The following AVEN variants were observed in gnomAD, a reference collection of about 807,000 sequenced individuals.
The protein encoded by AVEN is apoptosis and caspase activation inhibitor, also known as cell death regulator Aven.
Under a neutral mutation model 38.1 loss-of-function variants are expected in AVEN, and 41 were observed. The ratio of observed to expected loss-of-function variants is 1.08; its 90% CI spans 0.84 to 1.40. AVEN has a LOEUF of 1.40. Among genes scored for constraint, AVEN ranks in the 40% most tolerant of loss-of-function variants. The pLI is 0.00. For synonymous variants in AVEN, 206 were observed against 171.8 expected, an observed-to-expected ratio of 1.20 and a Z score of -1.56; for missense variants, 605 against 438.8, an observed-to-expected ratio of 1.38 and a Z score of -3.38.
chr15:33,936,585 A>T (rs1430638046), intron 2 of AVEN, among the ~76,000 whole-genome samples: 1 of 152,180 alleles, frequency 6.6e-6, no homozygotes, highest in Non-Finnish European at 1.5e-5. Context: ...TAACAATGTA[A>T]ATACAAACAA....
At chr15:33,879,459 G>A (rs1012165764) in intron 2 of AVEN, among the ~76,000 whole-genome samples, 1 of 150,406 alleles carries the variant, frequency 6.6e-6, no homozygotes, top group Admixed American at 6.6e-5. Flanking sequence ...GCTAAATGAC[G>A]AGTTAATGGG....
chr15:33,855,003 A>G, downstream of AVEN: 1 of 1,279,112 alleles, frequency 7.8e-7, no homozygotes, highest in Non-Finnish European at 1.0e-6. Context: ...GACAGGAAGG[A>G]ATATGTCTTG....
chr15:33,897,131 A>G (rs1368731031), intron 2 of AVEN, among the ~76,000 whole-genome samples: 1 of 152,148 alleles, frequency 6.6e-6, no homozygotes. Context: ...ACAAATCTAT[A>G]GTTGCCAGGA....
chr15:33,942,182 A>G (rs1384462078), intron 2 of AVEN, among the ~76,000 whole-genome samples: 1 of 152,212 alleles, frequency 6.6e-6, no homozygotes, highest in African/African-American at 2.4e-5. Flanking sequence ...CTAAATAGAG[A>G]AGAAAAAGCA....
chr15:33,873,429 A>C (rs891760558), intron 3 of AVEN, among the ~76,000 whole-genome samples: 2 of 134,542 alleles, frequency 1.5e-5, no homozygotes, highest in African/African-American at 5.7e-5. Flanking sequence ...CACTGGTCAC[A>C]CTGAGGACAT....
At chr15:33,962,919 C>CAAAAAAAAAAAAAAAAAAAA (rs57807791) in intron 2 of AVEN, among the ~76,000 whole-genome samples, 1 of 81,948 alleles carries the variant, frequency 1.2e-5, no homozygotes, top group African/African-American at 5.4e-5. Context: ...AACTCGTTCT[C>CAAAAAAAAAAAAAAAAAAAA]AAAAAAAAAA....
intron 3 of AVEN, among the ~76,000 whole-genome samples, chr15:33,872,964 C>T (rs148633236): frequency 2.0e-5 from 3 of 152,182 alleles, no homozygotes; most frequent in African/African-American, 7.2e-5. Flanking sequence ...GAGCAACGAA[C>T]GCCAAGTCCA....
chr15:34,004,299 G>C (rs1020924087), intron 1 of AVEN, among the ~76,000 whole-genome samples: 28 of 152,098 alleles, frequency 1.8e-4, no homozygotes, highest in Admixed American at 1.8e-3. Flanking sequence ...AAGGTTAAGA[G>C]AGCATGCAGA....
rs1567387051 is a variant in AVEN, at chr15:33,871,031, C to A, written c.517-1G>T. ...CACTATCCACATAAAATGCTGAATT[C>A]TATATATATATATAAAAGAAAATAA... is the stretch of plus-strand genomic sequence containing the variant. On this transcript the variant is annotated splice_acceptor_variant, in intron 3 of 5. Coordinates refer to ENST00000306730, the MANE Select transcript of AVEN (RefSeq NM_020371.3). LOFTEE classifies it high-confidence loss of function. 5 of 1,493,664 alleles carry A rather than the reference C, an allele frequency of 3.3e-6. No homozygotes were observed. Among genetic ancestry groups the A allele is most frequent in the East Asian group, 2.5e-5 (1 of 39,816 alleles). The allele number at this position is 1,493,664 out of a possible 1,614,324, so 92.5% of individuals were successfully genotyped here. A position where few individuals can be genotyped will look rare whatever the true frequency, so the allele number is the denominator to read the frequency against.
intron 2 of AVEN, among the ~76,000 whole-genome samples, chr15:33,910,804 G>C (rs982752202): frequency 1.3e-5 from 2 of 152,162 alleles, no homozygotes; most frequent in African/African-American, 4.8e-5. Context: ...CAGTGATCAT[G>C]GCAGCTCCCA....
chr15:34,017,961 T>C (rs945518679), intron 1 of AVEN, among the ~76,000 whole-genome samples: 1 of 152,216 alleles, frequency 6.6e-6, no homozygotes, highest in Non-Finnish European at 1.5e-5. Flanking sequence ...GATACTGATG[T>C]AAACAAACCT....
intron 2 of AVEN, among the ~76,000 whole-genome samples, chr15:34,069,165 T>C (rs914511981): frequency 5.3e-5 from 8 of 149,756 alleles, no homozygotes; most frequent in African/African-American, 2.0e-4. Context: ...CTCATGCCTG[T>C]AATCCCAACA....
chr15:33,861,711 A>C (rs1258858161), downstream of AVEN, among the ~76,000 whole-genome samples: 1 of 152,120 alleles, frequency 6.6e-6, no homozygotes, highest in East Asian at 1.9e-4. Context: ...ATGTTGCTAA[A>C]TTCTGTGTTC....
chr15:33,901,596 T>C (rs1045694906), intron 2 of AVEN, among the ~76,000 whole-genome samples: 1 of 152,230 alleles, frequency 6.6e-6, no homozygotes, highest in African/African-American at 2.4e-5. Context: ...TCCATACTGT[T>C]TTCCATAATG....
At chr15:34,069,124 T>A (rs1900582006) in intron 2 of AVEN, among the ~76,000 whole-genome samples, 2 of 151,636 alleles carry the variant, frequency 1.3e-5, no homozygotes, top group African/African-American at 4.8e-5. Flanking sequence ...ACAGTCCAAT[T>A]TTTAAAAACA....
At chr15:33,919,045 C>T (rs1296794065) in intron 2 of AVEN, among the ~76,000 whole-genome samples, 2 of 151,660 alleles carry the variant, frequency 1.3e-5, no homozygotes, top group African/African-American at 2.4e-5. Flanking sequence ...CTCAGCCTCC[C>T]GAGTAGCTGG....
chr15:33,925,106 G>A (rs1264062964), intron 2 of AVEN, among the ~76,000 whole-genome samples: 1 of 152,030 alleles, frequency 6.6e-6, no homozygotes, highest in African/African-American at 2.4e-5. Context: ...TAACTATATT[G>A]GTGTTTACAT....
chr15:34,055,576 C>T (rs139272194), intron 5 of AVEN, among the ~76,000 whole-genome samples: 3,596 of 151,704 alleles, frequency 0.024, 75 homozygotes, highest in African/African-American at 0.051. Flanking sequence ...CTGAGGTGGG[C>T]GGATCATGAG....
intron 1 of AVEN, among the ~76,000 whole-genome samples, chr15:34,020,570 T>C (rs2632108): frequency 0.94 from 143,256 of 152,244 alleles, 68,001 homozygotes; most frequent in East Asian, 1. Flanking sequence ...CACCTCACAA[T>C]TCTGAAATGG....
Sources: gnomAD v4.1 joint callset for allele counts (sites outside exome capture counted in the v4.1 genomes callset) on GRCh38, gnomAD v4.1.1 for gene constraint, MANE v1.5 for transcripts, NCBI Gene and HGNC (gene_info 2026-07-23, HGNC 2026-07-21) for gene names.